Variants in MTMR10 observed in about 807,000 individuals in gnomAD.
MTMR10 encodes myotubularin related protein 10.
Under a neutral mutation model 88.1 loss-of-function variants are expected in MTMR10, and 56 were observed. That is an observed-to-expected ratio of 0.64 (90% CI 0.51 to 0.79). MTMR10 has a LOEUF of 0.79. MTMR10 is among the 30% of genes least tolerant of loss of function. MTMR10 has a pLI of 0.00. For missense variants in MTMR10, 883 were observed against 924.7 expected, an observed-to-expected ratio of 0.95 and a Z score of 0.58; for synonymous variants, 380 against 340.9, an observed-to-expected ratio of 1.11 and a Z score of -1.26.
chr15:30,972,364 ATTT>A (rs974377394), intron 5 of MTMR10, among the ~76,000 whole-genome samples: 1 of 151,238 alleles, frequency 6.6e-6, no homozygotes, highest in Non-Finnish European at 1.5e-5. Flanking sequence ...CATTGCATCT[ATTT>A]TTTTTTCCTG....
At chr15:30,929,592 TATA>T in the MTMR10 span, among the ~76,000 whole-genome samples, 6 of 125,200 alleles carry the variant, frequency 4.8e-5, no homozygotes, top group African/African-American at 1.5e-4. Context: ...TATTATATAT[TATA>T]TATTACATAT....
At position 30,941,964 on chromosome 15, in the gene MTMR10, G is replaced by C. The variant is rs775016291; in HGVS notation, c.1840C>G (p.Pro614Ala). The C allele has an allele frequency of 8.1e-6, 13 of 1,613,884 alleles. No homozygotes were observed. The Admixed American group carries it at 2.0e-4, about 25-fold the overall frequency. The part of the protein sequence containing the change: ...RRNSLILKPK[P>A]DPAQQTDSQN... Reference sequence around the variant, plus strand: ...CTGTCGGTTTGCTGAGCTGGATCTGGCTTTGGTTTTAATATCAATGAATTT... The same window carrying C: ...CTGTCGGTTTGCTGAGCTGGATCTGCCTTTGGTTTTAATATCAATGAATTT... The change falls in exon 16 of 16, where the codon CCA becomes GCA. Residue 614 changes from proline (P) to alanine (A), a missense_variant. Physicochemically the swap from Pro to Ala is conservative, Grantham distance 27. Coordinates refer to ENST00000435680, the MANE Select transcript of MTMR10 (RefSeq NM_017762.3).
Position 30,991,448 on chromosome 15 carries a change from TG to T in MTMR10, c.58del (p.Gln20ArgfsTer26). The T allele has an allele frequency of 6.7e-7, 1 of 1,497,708 alleles. No homozygotes were observed. The highest frequency in any genetic ancestry group is 1.5e-5 in the African/African-American group (1 of 67,704). The allele number at this position is 1,497,708 out of a possible 1,614,324, so 92.8% of individuals were successfully genotyped here. A position where few individuals can be genotyped will look rare whatever the true frequency, so the allele number is the denominator to read the frequency against. On this transcript the variant is annotated frameshift_variant and splice_region_variant, in exon 1 of 16. Transcript: ENST00000435680. LOFTEE classifies it high-confidence loss of function. ...TFRSYLLPPP[Q>X]TDDKINSEPK... ...CGCTCGCGGGGAGGGGTTGTTTACC[TG>T]GGGCGGTGGCAGGAGGTAGGACCTG... is the stretch of plus-strand genomic sequence containing the variant.
chr15:30,948,124 C>T (rs534655727), intron 13 of MTMR10, among the ~76,000 whole-genome samples, 178 bp downstream of exon 13: 19 of 152,266 alleles, frequency 1.2e-4, no homozygotes, highest in Admixed American at 3.9e-4. Context: ...TTCATAGTTA[C>T]GATAATCTTT....
In MTMR10 at chr15:30,941,653, G is replaced by C. The variant is rs541383356; in HGVS notation, c.2151C>G (p.Tyr717Ter). The C allele has an allele frequency of 6.2e-7, 1 of 1,612,204 alleles. No homozygotes were observed. The highest frequency in any genetic ancestry group is 1.7e-5 in the Admixed American group (1 of 59,644). The change falls in exon 16 of 16, where the codon TAC (tyrosine) becomes TAG (stop). Residue 717 changes from tyrosine (Y) to a stop codon, truncating the protein, a stop_gained. Coordinates refer to ENST00000435680, the MANE Select transcript of MTMR10 (RefSeq NM_017762.3). LOFTEE classifies it high-confidence loss of function. ...TGTGGTGAGGGCCGCTGGCGTTGAA[G>C]TACATCCTGCTCTGGCCCAGCTCCC... The part of the protein sequence containing the change: ...CYGELGQSRM[Y>*]FNASGPHHTD...
Position 30,939,846 on chromosome 15 carries a change from T to C in MTMR10, c.*1624A>G. Reference sequence around the variant, plus strand: ...AGGACTGTAAAATGTTTAATAATTCTATTTGTATAAACTGAAACTAGCCCT... The same window carrying C: ...AGGACTGTAAAATGTTTAATAATTCCATTTGTATAAACTGAAACTAGCCCT... On this transcript the variant is annotated 3_prime_UTR_variant, in exon 16 of 16. Coordinates refer to ENST00000435680, the MANE Select transcript of MTMR10 (RefSeq NM_017762.3). The C allele has an allele frequency of 1.0e-6, 1 of 985,278 alleles. No individual in the cohort carries two copies. Among genetic ancestry groups the C allele is most frequent in the Non-Finnish European group, 1.2e-6 (1 of 829,732 alleles). 61.0% of individuals were successfully genotyped at this position (985,278 alleles called of 1,614,324 possible). A position where few individuals can be genotyped will look rare whatever the true frequency, so the allele number is the denominator to read the frequency against.
the MTMR10 span, among the ~76,000 whole-genome samples, chr15:30,933,167 A>G: frequency 6.6e-6 from 1 of 152,094 alleles, no homozygotes; most frequent in Non-Finnish European, 1.5e-5. Flanking sequence ...TCGAAGAATC[A>G]GCTTTTGGTT....
At chr15:30,937,356 G>A (rs1304385458), downstream of MTMR10, 1 of 1,175,524 alleles carries the variant, frequency 8.5e-7, no homozygotes, top group Non-Finnish European at 1.2e-6. Flanking sequence ...TTATAAACCT[G>A]ATAGTTTGAC....
chr15:30,957,188 A>C (rs1476248607), intron 9 of MTMR10, among the ~76,000 whole-genome samples: 4 of 152,118 alleles, frequency 2.6e-5, no homozygotes, highest in African/African-American at 9.7e-5. Context: ...GTATTGAATA[A>C]ATATCATATA....
At chr15:30,929,620 ATAT>A in the MTMR10 span, among the ~76,000 whole-genome samples, 13 of 127,728 alleles carry the variant, frequency 1.0e-4, no homozygotes, top group Non-Finnish European at 1.7e-4. Flanking sequence ...TATATAATAT[ATAT>A]TATATATTAT....
In MTMR10 at chr15:30,943,004, G is replaced by C. The variant is rs1297132618; in HGVS notation, c.1617C>G (p.Asp539Glu). Residue 539 changes from aspartate to glutamate, a missense_variant, in exon 15 of 16, where the codon GAC (aspartate) becomes GAG (glutamate). Coordinates refer to ENST00000435680, the MANE Select transcript of MTMR10 (RefSeq NM_017762.3). ...CCTTTGCTGTAAACTGGAGAGACCA[G>C]TCCCAAACAGAGGGGAATTTTAAGC... ...EKGLKFPSVWDWSLQFTAKDR... is the reference protein window; with the variant it reads ...EKGLKFPSVWEWSLQFTAKDR... 1 of 1,552,202 alleles carries C rather than the reference G, an allele frequency of 6.4e-7. No homozygotes were observed. Among genetic ancestry groups the C allele is most frequent in the African/African-American group, 1.4e-5 (1 of 73,122 alleles).
At chr15:30,976,106 T>TA (rs34173071) in intron 3 of MTMR10, among the ~76,000 whole-genome samples, 268 of 142,672 alleles carry the variant, frequency 1.9e-3, no homozygotes, top group South Asian at 4.3e-3. Context: ...CTAATTAGTT[T>TA]AAAAAAAAAA....
At chr15:30,991,261 T>C (rs918409146) in intron 1 of MTMR10, 186 bp downstream of exon 1, 7 of 544,380 alleles carry the variant, frequency 1.3e-5, no homozygotes, top group African/African-American at 6.0e-5. Flanking sequence ...GTTTTACAAG[T>C]TTTCGCCGAG....
In MTMR10 at chr15:30,939,416, G is replaced by A. The variant is rs1352201242; in HGVS notation, c.*2054C>T. 3.0e-6 allele frequency: 3 copies of A among 985,434 alleles called. No individual in the cohort carries two copies. Among genetic ancestry groups the A allele is most frequent in the Non-Finnish European group, 3.6e-6 (3 of 829,940 alleles). The allele number at this position is 985,434 out of a possible 1,614,324, so 61.0% of individuals were successfully genotyped here. A position where few individuals can be genotyped will look rare whatever the true frequency, so the allele number is the denominator to read the frequency against. On this transcript the variant is annotated 3_prime_UTR_variant, in exon 16 of 16. Transcript: ENST00000435680. ...TGCTGTCACCACATGTCCCTCTGAC[G>A]GCAGAGGTGGTATAAGCAGCTTCAC...
At chr15:30,978,623 C>G (rs1244050340) in intron 2 of MTMR10, among the ~76,000 whole-genome samples, 2 of 152,190 alleles carry the variant, frequency 1.3e-5, no homozygotes, top group East Asian at 3.9e-4. Context: ...CTGTCTGATT[C>G]TTTCAACAAC....
the MTMR10 span, among the ~76,000 whole-genome samples, chr15:30,933,713 GA>G: frequency 3.3e-5 from 5 of 150,774 alleles, no homozygotes; most frequent in Non-Finnish European, 5.9e-5. Context: ...ATTATTGAGA[GA>G]ATATTGATAT....
rs2063052296 is a variant in MTMR10, at chr15:30,941,526, A to C, written c.2278T>G (p.Phe760Val). 2 of 1,610,672 alleles carry C rather than the reference A, an allele frequency of 1.2e-6. No individual in the cohort carries two copies. ...AACCATATTTTGGCCCCACTTAAAA[A>C]TTTGCTTAATGGTGTTCCTAAAATG... ...RSILGTPLSK[F>V]LSGAKIWLST... is the part of the protein sequence containing the mutation. The change falls in exon 16 of 16, where the codon TTT becomes GTT. Residue 760 changes from phenylalanine (F) to valine (V), a missense_variant. Physicochemically the swap from Phe to Val is conservative, Grantham distance 50. Around this residue, in one of 3 missense-constraint regions of MTMR10, gnomAD observed 343 missense variants for 323.2 expected, o/e 1.06. Transcript: ENST00000435680.
At chr15:30,984,826 C>T (rs530992906) in intron 2 of MTMR10, among the ~76,000 whole-genome samples, 77 of 152,286 alleles carry the variant, frequency 5.1e-4, no homozygotes, top group African/African-American at 1.8e-3. Context: ...CCAGGCTCAA[C>T]GGGCACTCAA....
At chr15:30,952,897 C>G (rs1351110426) in intron 11 of MTMR10, among the ~76,000 whole-genome samples, 7 of 152,140 alleles carry the variant, frequency 4.6e-5, no homozygotes, top group African/African-American at 1.7e-4. Flanking sequence ...TCAAGTGATT[C>G]TCCTGCCTCA....
Sources: allele counts gnomAD v4.1 joint callset (sites outside exome capture counted in the v4.1 genomes callset), GRCh38; gene constraint gnomAD v4.1.1; regional missense constraint gnomAD v4.1.1; transcripts MANE v1.5; gene names NCBI Gene and HGNC (gene_info 2026-07-23, HGNC 2026-07-21).